The following ECE1 variants were observed in gnomAD, a reference collection of about 807,000 sequenced individuals.
ECE1 encodes endothelin-converting enzyme 1.
A neutral mutation model predicts 98.6 loss-of-function variants in ECE1; 35 were observed. The ratio of observed to expected loss-of-function variants is 0.35; its 90% CI spans 0.27 to 0.47. The LOEUF (loss-of-function observed/expected upper bound fraction) is 0.47. Among genes scored for constraint, ECE1 ranks in the 20% least tolerant of loss-of-function variants. The probability of loss-of-function intolerance (pLI) is 1.00; values close to 1 mark genes in which losing one functional copy is unlikely to be tolerated. For synonymous variants in ECE1, 394 were observed against 407.1 expected, an observed-to-expected ratio of 0.97 and a Z score of 0.39; for missense variants, 814 against 1,025.3, an observed-to-expected ratio of 0.79 and a Z score of 2.81.
At chr1:21,330,682 G>A (rs1273205642) in intron 1 of ECE1, among the ~76,000 whole-genome samples, 2 of 152,136 alleles carry the variant, frequency 1.3e-5, no homozygotes, top group Non-Finnish European at 2.9e-5. Flanking sequence ...AACTTTTTCA[G>A]CCTTCTGAGT....
rs751274615 is a variant in ECE1, at chr1:21,225,277, G to C, written c.2013C>G (p.Asp671Glu). Residue 671 changes from aspartate to glutamate, a missense_variant, in exon 17 of 19, where the codon GAC becomes GAG. Physicochemically the swap from Asp to Glu is conservative, Grantham distance 45. Around this residue, in one of 3 missense-constraint regions of ECE1, gnomAD observed 452 missense variants for 567.3 expected, o/e 0.80. Transcript: ENST00000374893. The surrounding 1 kb of genome is among the most constrained non-coding windows in gnomAD (Gnocchi z 5.3). ...GATAGGCCGCCTTGAGACCCCCGTT[G>C]TCGGCGATGTTCTCCCCCAGGGTGT... Reference protein sequence around the residue: ...GRHTLGENIADNGGLKAAYRA... With the variant: ...GRHTLGENIAENGGLKAAYRA... The C allele has an allele frequency of 6.2e-7, 1 of 1,614,192 alleles. No individual in the cohort carries two copies. The highest frequency in any genetic ancestry group is 8.5e-7 in the Non-Finnish European group (1 of 1,180,036).
At chr1:21,304,495 T>A (rs146897775) in intron 1 of ECE1, among the ~76,000 whole-genome samples, 37 of 152,094 alleles carry the variant, frequency 2.4e-4, no homozygotes, top group African/African-American at 8.9e-4. Flanking sequence ...AGCTGCCAAT[T>A]TTCATCATGT....
intron 8 of ECE1, among the ~76,000 whole-genome samples, chr1:21,250,025 C>T (rs985216936): frequency 2.6e-5 from 4 of 151,642 alleles, no homozygotes; most frequent in African/African-American, 4.9e-5. Context: ...GTGATCCACC[C>T]GTCTTGGCCT....
In ECE1 at chr1:21,225,984, C is replaced by T. The variant is rs867189132; in HGVS notation, c.1850-544G>A. Among the ~76,000 whole-genome samples the T allele has an allele frequency of 1.1e-4, 16 of 152,110 alleles. No homozygotes were observed. The South Asian group carries it at 2.5e-3, about 24-fold the overall frequency. On this transcript the variant is annotated intron_variant, in intron 16 of 18. Transcript: ENST00000374893. The surrounding 1 kb of genome is among the most constrained non-coding windows in gnomAD (Gnocchi z 5.3). ...TGCTGGGATTACAGGTGTGCGTCAC[C>T]GTGCCTGGCTTATTTTCAACACTGG...
At position 21,330,820 on chromosome 1, in the gene ECE1, G is replaced by T. The variant is rs200005511; in HGVS notation, c.3+14556C>A. ...TGAAGGTCCCTATCCGCTCACCCCT[G>T]AGCTGATGCTGAACACAGGCTGTAC... On this transcript the variant is annotated intron_variant, in intron 1 of 18. Transcript: ENST00000415912. Among the ~76,000 whole-genome samples, 40 of 152,196 alleles carry T rather than the reference G, an allele frequency of 2.6e-4. No homozygotes were observed. The East Asian group carries it at 6.6e-3, about 25-fold the overall frequency.
At chr1:21,234,976 T>C (rs1399163724) in intron 13 of ECE1, among the ~76,000 whole-genome samples, 3 of 152,210 alleles carry the variant, frequency 2.0e-5, no homozygotes, top group Admixed American at 6.5e-5. Context: ...TGAGTCTTTA[T>C]AGTCTTAGGT....
At chr1:21,274,541 G>A (rs1437249573) in intron 3 of ECE1, among the ~76,000 whole-genome samples, 1 of 152,180 alleles carries the variant, frequency 6.6e-6, no homozygotes, top group Non-Finnish European at 1.5e-5. Flanking sequence ...TGGGCACGGG[G>A]GCTCAGCTTC....
rs183053066 is a variant in ECE1, at chr1:21,287,323, C to T, written c.138+2747G>A. On this transcript the variant is annotated intron_variant, in intron 2 of 18. Coordinates refer to ENST00000374893, the MANE Select transcript of ECE1 (RefSeq NM_001397.3). ...GGCAGATCACCTGAGGGCAGGAGTT[C>T]GAGACCAGCCTGGCCAACATGGCAA... is the stretch of plus-strand genomic sequence containing the variant. 1.5e-3 allele frequency among the ~76,000 whole-genome samples: 234 copies of T among 152,168 alleles called. 1 individual carries two copies. The highest frequency in any genetic ancestry group is 5.5e-3 in the African/African-American group (227 of 41,506).
At position 21,342,792 on chromosome 1, in the gene ECE1, C is replaced by G. The variant is rs1276825072; in HGVS notation, c.3+2584G>C. ...TTGATCAGTCCCGAATCACCCCTGC[C>G]TCAGGAATGACAGCACAGGAACCAA... On this transcript the variant is annotated intron_variant, in intron 1 of 18. Coordinates refer to the ECE1 transcript ENST00000415912. Among the ~76,000 whole-genome samples, 8 of 152,288 alleles carry G rather than the reference C, an allele frequency of 5.3e-5. No individual in the cohort carries two copies. The East Asian group carries it at 1.5e-3, about 29-fold the overall frequency.
chr1:21,230,262 A>C (rs1038089666), intron 14 of ECE1, among the ~76,000 whole-genome samples: 1 of 152,204 alleles, frequency 6.6e-6, no homozygotes, highest in Admixed American at 6.6e-5. Flanking sequence ...AACCTTTAAA[A>C]AATTATCACT....
chr1:21,336,867 A>G (rs1217716267), intron 1 of ECE1, among the ~76,000 whole-genome samples: 1 of 149,852 alleles, frequency 6.7e-6, no homozygotes. Flanking sequence ...GACTCCGTCT[A>G]AAAAAAAGAA....
chr1:21,217,585 C>T lies in ECE1; in HGVS notation c.*2370G>A, dbSNP rs2098162276. On this transcript the variant is annotated 3_prime_UTR_variant, in exon 19 of 19. Coordinates refer to ENST00000374893, the MANE Select transcript of ECE1 (RefSeq NM_001397.3). ...CCAGCCCTAGGACACCTGCCTGTGT[C>T]CAGGGAGGGGGTCCAAGCCCATGGT... The T allele has an allele frequency of 6.6e-6, 1 of 152,304 alleles. No homozygotes were observed. Among genetic ancestry groups the T allele is most frequent in the African/African-American group, 2.4e-5 (1 of 41,450 alleles). 9.4% of individuals were successfully genotyped at this position (152,304 alleles called of 1,614,324 possible).
intron 1 of ECE1, among the ~76,000 whole-genome samples, chr1:21,306,329 TTTTG>T (rs1558425202): frequency 6.8e-6 from 1 of 147,566 alleles, no homozygotes; most frequent in African/African-American, 2.7e-5. Context: ...TTAAGTGTTT[TTTTG>T]TTTTTTTTTT....
chr1:21,320,116 T>C (rs1439326566), intron 1 of ECE1, among the ~76,000 whole-genome samples: 2 of 152,256 alleles, frequency 1.3e-5, no homozygotes, highest in Admixed American at 6.5e-5. Context: ...CCAGGTCACA[T>C]GCGGCCCACG....
chr1:21,316,418 G>A (rs866462776), intron 1 of ECE1, among the ~76,000 whole-genome samples: 4 of 152,000 alleles, frequency 2.6e-5, no homozygotes, highest in East Asian at 1.9e-4. Context: ...ACAGGCGTGC[G>A]CCACCACACT....
At chr1:21,236,005 A>G (rs1008335454) in intron 12 of ECE1, 78 bp from the exon 13 acceptor site, 2 of 1,387,750 alleles carry the variant, frequency 1.4e-6, no homozygotes, top group East Asian at 4.6e-5. Flanking sequence ...TGCTGGGCTC[A>G]TAGTCTGGGC....
At chr1:21,237,595 G>A (rs1454579972) in intron 11 of ECE1, among the ~76,000 whole-genome samples, 1 of 152,124 alleles carries the variant, frequency 6.6e-6, no homozygotes, top group East Asian at 1.9e-4. Context: ...TTGTATGCCG[G>A]TGCCCAGTGT....
In ECE1 at chr1:21,225,182, C is replaced by T; in HGVS notation, c.2040+68G>A. The stretch of plus-strand genomic sequence containing the variant: ...CCTGCCCTGGTTGTCCGTGATGATC[C>T]TCTACGGACAGGCATCTGGAAGGAG... On this transcript the variant is annotated intron_variant, in intron 17 of 18. Coordinates refer to ENST00000374893, the MANE Select transcript of ECE1 (RefSeq NM_001397.3). This position sits in a 1 kb window ranked among gnomAD's most constrained non-coding sequence, Gnocchi z 5.3. 1 of 1,583,846 alleles carries T rather than the reference C, an allele frequency of 6.3e-7. No homozygotes were observed. The highest frequency in any genetic ancestry group is 8.6e-7 in the Non-Finnish European group (1 of 1,159,944).
intron 1 of ECE1, among the ~76,000 whole-genome samples, chr1:21,333,527 G>A (rs1558437678): frequency 6.6e-6 from 1 of 152,182 alleles, no homozygotes; most frequent in Non-Finnish European, 1.5e-5. Context: ...GGTGCTTCAG[G>A]AGGTTAGGAT....
Sources: allele counts gnomAD v4.1 joint callset (sites outside exome capture counted in the v4.1 genomes callset), GRCh38; gene constraint gnomAD v4.1.1; regional missense constraint gnomAD v4.1.1; non-coding constraint Gnocchi (gnomAD v3.1); transcripts MANE v1.5; gene names NCBI Gene and HGNC (gene_info 2026-07-23, HGNC 2026-07-21).